Variants in ADGRL3 observed in about 807,000 individuals in gnomAD.
ADGRL3 encodes the protein calcium-independent alpha-latrotoxin receptor 3.
A neutral mutation model predicts 153.5 loss-of-function variants in ADGRL3; 62 were observed. That is an observed-to-expected ratio of 0.40 (90% CI 0.33 to 0.50). The LOEUF is 0.50. Ranked by LOEUF, ADGRL3 falls within the 20% of genes least tolerant of loss-of-function variation. The probability of loss-of-function intolerance (pLI) is 0.47; values close to 1 mark genes in which losing one functional copy is unlikely to be tolerated. For missense variants in ADGRL3, 1,641 were observed against 1,859.4 expected (o/e 0.88, Z 2.16); for synonymous variants, 710 against 672.5 (o/e 1.06, Z -0.86).
At chr4:61,970,619 A>G (rs1336075490) in intron 17 of ADGRL3, among the ~76,000 whole-genome samples, 1 of 152,160 alleles carries the variant, frequency 6.6e-6, no homozygotes, top group Non-Finnish European at 1.5e-5. Context: ...GTATGCTCTT[A>G]AGAGCACACA....
chr4:61,723,519 G>A (rs766678782), intron 6 of ADGRL3, among the ~76,000 whole-genome samples: 29 of 152,120 alleles, frequency 1.9e-4, no homozygotes, highest in African/African-American at 3.1e-4. Flanking sequence ...TGGAGGAGGC[G>A]GTGTCTGATT....
chr4:62,063,589 C>T (rs545309044), intron 25 of ADGRL3: 3 of 698,746 alleles, frequency 4.3e-6, no homozygotes, highest in African/African-American at 1.8e-5. Context: ...CTTGGGGAAC[C>T]GGCGGTCTGT....
intron 8 of ADGRL3, among the ~76,000 whole-genome samples, chr4:61,782,215 A>T (rs1245187565): frequency 6.6e-6 from 1 of 152,148 alleles, no homozygotes; most frequent in Non-Finnish European, 1.5e-5. Flanking sequence ...TGCACAGCTT[A>T]TTCTACATTC....
intron 1 of ADGRL3, among the ~76,000 whole-genome samples, chr4:61,212,419 A>G (rs987049045): frequency 2.0e-5 from 3 of 152,178 alleles, no homozygotes; most frequent in Admixed American, 2.0e-4. Context: ...ATTTCAGATA[A>G]TTGAGCATGG....
intron 4 of ADGRL3, among the ~76,000 whole-genome samples, chr4:61,539,662 C>T (rs926194290): frequency 6.6e-6 from 1 of 152,168 alleles, no homozygotes; most frequent in Non-Finnish European, 1.5e-5. Flanking sequence ...GCCAGTGTAC[C>T]TGTCCAAGCT....
chr4:61,592,536 T>C (rs2098973911), intron 5 of ADGRL3, among the ~76,000 whole-genome samples: 1 of 152,112 alleles, frequency 6.6e-6, no homozygotes, highest in Non-Finnish European at 1.5e-5. Context: ...TCTTTAAATA[T>C]AAAGGAAAAG....
chr4:61,967,676 C>A (rs557317859), intron 17 of ADGRL3, among the ~76,000 whole-genome samples: 1 of 152,160 alleles, frequency 6.6e-6, no homozygotes, highest in African/African-American at 2.4e-5. Flanking sequence ...TCTATGAATT[C>A]ATTCTATATG....
intron 13 of ADGRL3, among the ~76,000 whole-genome samples, chr4:61,934,261 A>G (rs2098829325): frequency 6.6e-6 from 1 of 152,200 alleles, no homozygotes; most frequent in South Asian, 2.1e-4. Flanking sequence ...CTCTTTATAC[A>G]TAACATATCC....
chr4:61,319,981 C>T (rs1000074623), intron 1 of ADGRL3, among the ~76,000 whole-genome samples: 1 of 152,204 alleles, frequency 6.6e-6, no homozygotes, highest in Admixed American at 6.5e-5. Flanking sequence ...AGAAGGTGAT[C>T]ATGGTTAAAT....
intron 2 of ADGRL3, among the ~76,000 whole-genome samples, chr4:61,454,747 CAT>C (rs2097714944): frequency 6.6e-6 from 1 of 152,022 alleles, no homozygotes; most frequent in African/African-American, 2.4e-5. Context: ...ATGCAAGACT[CAT>C]ATAAGAATAC....
intron 6 of ADGRL3, among the ~76,000 whole-genome samples, chr4:61,681,812 T>A (rs1365649987): frequency 3.3e-5 from 5 of 152,210 alleles, no homozygotes. Flanking sequence ...ATTATGTAAA[T>A]AAATAATTAC....
chr4:61,424,064 G>A lies in ADGRL3; in HGVS notation c.-174+40875G>A, dbSNP rs565115003. Among the ~76,000 whole-genome samples the A allele has an allele frequency of 1.9e-3, 296 of 152,182 alleles. 1 individual carries two copies. Among genetic ancestry groups the A allele is most frequent in the Non-Finnish European group, 3.1e-3 (211 of 68,004 alleles). ...TCCAAAGGGAGTTGATGGACAGGTG[G>A]TGGGTAATTGAAAGAACACTCAGGG... On this transcript the variant is annotated intron_variant, in intron 2 of 26. Transcript: ENST00000683033.
intron 4 of ADGRL3, among the ~76,000 whole-genome samples, chr4:61,537,930 C>G (rs906832083): frequency 6.6e-6 from 1 of 152,008 alleles, no homozygotes; most frequent in Non-Finnish European, 1.5e-5. Flanking sequence ...ATCAAGCTTC[C>G]TTGCAATTCA....
At chr4:61,518,303 G>T (rs1445892566) in intron 4 of ADGRL3, among the ~76,000 whole-genome samples, 1 of 152,142 alleles carries the variant, frequency 6.6e-6, no homozygotes, top group Non-Finnish European at 1.5e-5. Flanking sequence ...TGGAAAATAA[G>T]CTGGGAAGCA....
At chr4:61,490,688 C>T (rs1023200061) in intron 2 of ADGRL3, among the ~76,000 whole-genome samples, 7 of 106,070 alleles carry the variant, frequency 6.6e-5, no homozygotes, top group Non-Finnish European at 1.2e-4. Context: ...TATTTGACCC[C>T]CTCAATATTG....
chr4:61,651,916 A>G (rs894107794), intron 5 of ADGRL3, among the ~76,000 whole-genome samples: 8 of 152,108 alleles, frequency 5.3e-5, no homozygotes, highest in African/African-American at 1.9e-4. Context: ...AACCTGGCCC[A>G]AAATAAATAA....
chr4:61,671,311 A>C (rs2094987051), intron 5 of ADGRL3, among the ~76,000 whole-genome samples: 1 of 152,202 alleles, frequency 6.6e-6, no homozygotes, highest in African/African-American at 2.4e-5. Context: ...GGACAAATTA[A>C]CAGTAAATGA....
At chr4:61,754,419 GAGA>G (rs979299500) in intron 8 of ADGRL3, among the ~76,000 whole-genome samples, 10 of 151,870 alleles carry the variant, frequency 6.6e-5, no homozygotes, top group African/African-American at 2.2e-4. Flanking sequence ...GAGAGAAAAA[GAGA>G]AGAAGTTTTC....
intron 15 of ADGRL3, among the ~76,000 whole-genome samples, chr4:61,942,647 C>A (rs1335420000): frequency 1.4e-4 from 1 of 7,388 alleles, no homozygotes; most frequent in Non-Finnish European, 2.1e-4. Flanking sequence ...CAACTTCTTC[C>A]TGGTTTAGTC....
Sources: gnomAD v4.1 joint callset for allele counts (sites outside exome capture counted in the v4.1 genomes callset) on GRCh38, gnomAD v4.1.1 for gene constraint, MANE v1.5 for transcripts, NCBI Gene and HGNC (gene_info 2026-07-23, HGNC 2026-07-21) for gene names.